The following KCNIP4 variants were observed in gnomAD, a reference collection of about 807,000 sequenced individuals.
The protein encoded by KCNIP4 is Kv channel-interacting protein 4.
Under a neutral mutation model 34.0 loss-of-function variants are expected in KCNIP4, and 12 were observed. The ratio of observed to expected loss-of-function variants is 0.35; its 90% CI spans 0.23 to 0.57. The LOEUF is 0.57. Ranked by LOEUF, KCNIP4 falls within the 20% of genes least tolerant of loss-of-function variation. The probability of loss-of-function intolerance (pLI) is 0.83; values close to 1 mark genes in which losing one functional copy is unlikely to be tolerated. For synonymous variants in KCNIP4, 124 were observed against 102.2 expected (o/e 1.21, Z -1.29); for missense variants, 238 against 311.7 (o/e 0.76, Z 1.78).
At chr4:21,442,149 T>C (rs1464697504) in intron 1 of KCNIP4, among the ~76,000 whole-genome samples, 1 of 152,114 alleles carries the variant, frequency 6.6e-6, no homozygotes, top group Non-Finnish European at 1.5e-5. Context: ...TATCTTCACC[T>C]CCAGAACCTG....
intron 1 of KCNIP4, among the ~76,000 whole-genome samples, chr4:21,521,200 AACAGATAC>A (rs1185652664): frequency 6.6e-6 from 1 of 152,178 alleles, no homozygotes; most frequent in Non-Finnish European, 1.5e-5. Flanking sequence ...CAAGAAACAG[AACAGATAC>A]ACTTTTCTCA....
At chr4:21,505,574 A>C (rs1435846996) in intron 1 of KCNIP4, among the ~76,000 whole-genome samples, 3 of 151,638 alleles carry the variant, frequency 2.0e-5, no homozygotes, top group Admixed American at 6.6e-5. Context: ...TCCCTCTAAA[A>C]CTCTGTTTAA....
At chr4:20,905,090 G>T (rs949727575) in intron 1 of KCNIP4, among the ~76,000 whole-genome samples, 2 of 152,156 alleles carry the variant, frequency 1.3e-5, no homozygotes, top group Non-Finnish European at 2.9e-5. Context: ...AGTGTGTTAC[G>T]TTGCTAGGGC....
At chr4:20,981,415 G>T (rs977830053) in intron 1 of KCNIP4, among the ~76,000 whole-genome samples, 14 of 152,088 alleles carry the variant, frequency 9.2e-5, no homozygotes, top group African/African-American at 3.4e-4. Flanking sequence ...CATGGTATTA[G>T]CCAATTCAGG....
chr4:21,722,562 T>A (rs1393051157), intron 1 of KCNIP4, among the ~76,000 whole-genome samples: 1 of 152,064 alleles, frequency 6.6e-6, no homozygotes, highest in East Asian at 1.9e-4. Flanking sequence ...TTACTTTCAG[T>A]TAGGATATGC....
At chr4:21,384,283 A>G (rs1721811819) in intron 1 of KCNIP4, among the ~76,000 whole-genome samples, 1 of 152,098 alleles carries the variant, frequency 6.6e-6, no homozygotes, top group African/African-American at 2.4e-5. Context: ...TTCTCCTATC[A>G]TCTCTCTTTC....
rs552562406 is a variant in KCNIP4, at chr4:20,945,743, G to A, written c.62-63034C>T. 6.6e-4 allele frequency among the ~76,000 whole-genome samples: 101 copies of A among 152,126 alleles called. 1 individual carries two copies. Among genetic ancestry groups the A allele is most frequent in the Admixed American group, 1.1e-3 (17 of 15,264 alleles). On this transcript the variant is annotated intron_variant, in intron 1 of 8. Transcript: ENST00000382152. ...TCTCAAAACGGTTCTTAAAATAGAT[G>A]GGCCCCCCAGGGACTCCCCGACATG...
At chr4:21,152,988 T>A (rs1371469562) in intron 1 of KCNIP4, among the ~76,000 whole-genome samples, 1 of 152,160 alleles carries the variant, frequency 6.6e-6, no homozygotes, top group South Asian at 2.1e-4. Flanking sequence ...TTAAAGAAGT[T>A]CTTCATTCTT....
At chr4:21,236,589 C>T (rs754051639) in intron 1 of KCNIP4, among the ~76,000 whole-genome samples, 4 of 152,084 alleles carry the variant, frequency 2.6e-5, no homozygotes, top group Non-Finnish European at 5.9e-5. Flanking sequence ...GTCAGCAAGC[C>T]TTATCTGCAA....
intron 1 of KCNIP4, among the ~76,000 whole-genome samples, chr4:21,818,848 A>AAAAAC (rs10672374): frequency 0.078 from 11,818 of 152,126 alleles, 523 homozygotes; most frequent in Middle Eastern, 0.14. Flanking sequence ...GAGACTAGTA[A>AAAAAC]AAAACAAAAC....
At chr4:21,664,050 T>A (rs1748649417) in intron 1 of KCNIP4, among the ~76,000 whole-genome samples, 1 of 152,096 alleles carries the variant, frequency 6.6e-6, no homozygotes, top group South Asian at 2.1e-4. Context: ...GCTCAAGTGC[T>A]TTCTCTTGCC....
At chr4:21,736,976 G>A (rs1716034740) in intron 1 of KCNIP4, among the ~76,000 whole-genome samples, 1 of 152,052 alleles carries the variant, frequency 6.6e-6, no homozygotes, top group Non-Finnish European at 1.5e-5. Context: ...AAAGTTCTGA[G>A]AATGATGTTG....
At chr4:21,921,326 T>G (rs924450645) in intron 1 of KCNIP4, among the ~76,000 whole-genome samples, 11 of 152,126 alleles carry the variant, frequency 7.2e-5, no homozygotes, top group Non-Finnish European at 1.6e-4. Context: ...CCAACACGTA[T>G]GCCTCACCTT....
rs181528876 is a variant in KCNIP4, at chr4:20,987,862, G to C, written c.62-105153C>G. Among the ~76,000 whole-genome samples, 22 of 151,602 alleles carry C rather than the reference G, an allele frequency of 1.5e-4. No individual in the cohort carries two copies. The East Asian group carries it at 1.6e-3, about 11-fold the overall frequency. ...AAAATCCAAAAAAAATTAGCCGGGC[G>C]TGGTGGTGGGCGCCTGTAGTCCCAG... is the stretch of plus-strand genomic sequence containing the variant. On this transcript the variant is annotated intron_variant, in intron 1 of 8. Coordinates refer to ENST00000382152, the MANE Select transcript of KCNIP4 (RefSeq NM_025221.6).
intron 1 of KCNIP4, among the ~76,000 whole-genome samples, chr4:21,132,853 CAAAAAA>C (rs71189683): frequency 0.056 from 6,591 of 116,672 alleles, 223 homozygotes; most frequent in East Asian, 0.18. Context: ...TACTAAACGA[CAAAAAA>C]AAAAAAAAAA....
chr4:20,749,933 A>G (rs547527724), intron 4 of KCNIP4, among the ~76,000 whole-genome samples: 4 of 152,316 alleles, frequency 2.6e-5, no homozygotes, highest in African/African-American at 7.2e-5. Flanking sequence ...CATAGAGGCC[A>G]TTGGTGACAA....
At chr4:21,567,351 G>A (rs1739976102) in intron 1 of KCNIP4, among the ~76,000 whole-genome samples, 1 of 152,002 alleles carries the variant, frequency 6.6e-6, no homozygotes, top group Non-Finnish European at 1.5e-5. Flanking sequence ...ACTGGCTGAT[G>A]TATCTGAGGA....
intron 1 of KCNIP4, among the ~76,000 whole-genome samples, chr4:21,835,910 A>G (rs1723291283): frequency 6.6e-6 from 1 of 152,232 alleles, no homozygotes; most frequent in Admixed American, 6.5e-5. Flanking sequence ...AATATTTAGC[A>G]AATAAAATCC....
intron 1 of KCNIP4, among the ~76,000 whole-genome samples, chr4:21,035,421 C>A (rs1741368543): frequency 6.6e-6 from 1 of 152,182 alleles, no homozygotes. Flanking sequence ...TCTTTACTAG[C>A]TTTGTCCTAC....
Sources: allele counts gnomAD v4.1 joint callset (sites outside exome capture counted in the v4.1 genomes callset), GRCh38; gene constraint gnomAD v4.1.1; transcripts MANE v1.5; gene names NCBI Gene and HGNC (gene_info 2026-07-23, HGNC 2026-07-21).